Variants in HCN1 observed in about 807,000 individuals in gnomAD.
HCN1 encodes the protein potassium/sodium hyperpolarization-activated cyclic nucleotide-gated channel 1.
Under a neutral mutation model 78.9 loss-of-function variants are expected in HCN1, and 13 were observed. That is an observed-to-expected ratio of 0.16 (90% CI 0.11 to 0.26). The LOEUF is 0.26. Ranked by LOEUF, HCN1 falls within the 10% of genes least tolerant of loss-of-function variation. The pLI, the probability that HCN1 is intolerant of heterozygous loss-of-function variation, is 1.00. For synonymous variants in HCN1, 552 were observed against 455.5 expected (o/e 1.21, Z -2.70); for missense variants, 810 against 1,154.3 (o/e 0.70, Z 4.32).
intron 2 of HCN1, among the ~76,000 whole-genome samples, chr5:45,618,961 AAC>A (rs1745008888): frequency 6.6e-6 from 1 of 152,086 alleles, no homozygotes; most frequent in South Asian, 2.1e-4. Flanking sequence ...GAAAGTCTGA[AAC>A]AGCAATCTAG....
rs996900719 is a variant in HCN1, at chr5:45,257,281, G to T, written c.*4640C>A. On this transcript the variant is annotated 3_prime_UTR_variant, in exon 8 of 8. Coordinates refer to ENST00000303230, the MANE Select transcript of HCN1 (RefSeq NM_021072.4). ...AAATCCCTATTTCCCACTTGATCTGGGTTCCTCTTCACCCTGTGAGACACT... is the reference window on the plus strand; with the variant it reads ...AAATCCCTATTTCCCACTTGATCTGTGTTCCTCTTCACCCTGTGAGACACT... 1 of 152,142 alleles carries T rather than the reference G, an allele frequency of 6.6e-6. No individual in the cohort carries two copies. The highest frequency in any genetic ancestry group is 2.4e-5 in the African/African-American group (1 of 41,418). 9.4% of individuals were successfully genotyped at this position (152,142 alleles called of 1,614,324 possible).
chr5:45,283,011 G>T (rs1302065405), intron 6 of HCN1, among the ~76,000 whole-genome samples: 2 of 152,084 alleles, frequency 1.3e-5, no homozygotes, highest in East Asian at 3.9e-4. Context: ...AACTTGTACT[G>T]CATCCTCCAT....
At position 45,443,209 on chromosome 5, in the gene HCN1, C is replaced by T. The variant is rs568588194; in HGVS notation, c.1011+18637G>A. Among the ~76,000 whole-genome samples the T allele has an allele frequency of 3.3e-5, 5 of 152,104 alleles. No individual in the cohort carries two copies. In the East Asian group the frequency reaches 7.7e-4, roughly 24 times the overall value. ...GTAGTATGCTACGAAGAGGCATATA[C>T]AGGGCACTGGATTGGACTGAACCTG... On this transcript the variant is annotated intron_variant, in intron 3 of 7. Transcript: ENST00000303230.
At chr5:45,348,217 T>A (rs56738665) in intron 5 of HCN1, among the ~76,000 whole-genome samples, 4,548 of 152,206 alleles carry the variant, frequency 0.03, 269 homozygotes, top group African/African-American at 0.1. Flanking sequence ...GTATTCAAAG[T>A]TCTTAAAGAA....
At chr5:45,389,734 T>C (rs1748001848) in intron 4 of HCN1, among the ~76,000 whole-genome samples, 1 of 152,210 alleles carries the variant, frequency 6.6e-6, no homozygotes, top group Non-Finnish European at 1.5e-5. Flanking sequence ...TATCTCTACC[T>C]ACTTAATGGG....
chr5:45,364,891 TTTAGA>T (rs1322382564), intron 4 of HCN1, among the ~76,000 whole-genome samples: 1 of 152,042 alleles, frequency 6.6e-6, no homozygotes, highest in African/African-American at 2.4e-5. Context: ...GTAGTTGAGA[TTTAGA>T]TTAGATTAGA....
chr5:45,557,086 A>G (rs1317249530), intron 2 of HCN1, among the ~76,000 whole-genome samples: 1 of 152,102 alleles, frequency 6.6e-6, no homozygotes, highest in Non-Finnish European at 1.5e-5. Context: ...CAAATATCAC[A>G]GGAAAATTCA....
intron 3 of HCN1, among the ~76,000 whole-genome samples, chr5:45,412,573 T>C (rs2112057561): frequency 6.6e-6 from 1 of 152,212 alleles, no homozygotes; most frequent in Middle Eastern, 3.4e-3. Context: ...TCTGAGAGGC[T>C]TGAAATTACC....
intron 2 of HCN1, among the ~76,000 whole-genome samples, chr5:45,544,422 T>A (rs571959869): frequency 9.2e-5 from 14 of 152,092 alleles, no homozygotes; most frequent in Non-Finnish European, 1.8e-4. Flanking sequence ...ACCTCCTATT[T>A]GACAAAGCAA....
rs544475290 is a variant in HCN1, at chr5:45,561,167, A to T, written c.849+84018T>A. Among the ~76,000 whole-genome samples the T allele has an allele frequency of 4.7e-4, 72 of 152,234 alleles. No individual in the cohort carries two copies. The Middle Eastern group carries it at 0.014, about 29-fold the overall frequency. On this transcript the variant is annotated intron_variant, in intron 2 of 7. Coordinates refer to ENST00000303230, the MANE Select transcript of HCN1 (RefSeq NM_021072.4). ...AAATATAGGAAAGTTATTCATTCAAATCAAGATAGTCCAAAGCTTTTAAGC... is the reference window on the plus strand; with the variant it reads ...AAATATAGGAAAGTTATTCATTCAATTCAAGATAGTCCAAAGCTTTTAAGC...
At chr5:45,262,849 C>A (rs757657784) in intron 7 of HCN1, 39 bp from the exon 8 acceptor site, 5 of 1,609,152 alleles carry the variant, frequency 3.1e-6, no homozygotes, top group Non-Finnish European at 3.4e-6. Context: ...GAAAGCCTAC[C>A]AATGACTGAT....
chr5:45,344,350 T>C (rs955105114), intron 5 of HCN1, among the ~76,000 whole-genome samples: 2 of 152,092 alleles, frequency 1.3e-5, no homozygotes, highest in African/African-American at 4.8e-5. Context: ...ATTCCACCCC[T>C]GCCCCCTACC....
chr5:45,593,205 C>T lies in HCN1; in HGVS notation c.849+51980G>A, dbSNP rs548674673. Among the ~76,000 whole-genome samples, 39 of 103,048 alleles carry T rather than the reference C, an allele frequency of 3.8e-4. No homozygotes were observed. In the South Asian group the frequency reaches 9.7e-3, roughly 26 times the overall value. 67.6% of individuals were successfully genotyped at this position (103,048 alleles called of 152,430 possible). ...CCTTACAGTTGCACGCGCGCATGCA[C>T]GCACGCGCACACACACACACACACA... is the stretch of plus-strand genomic sequence containing the variant. On this transcript the variant is annotated intron_variant, in intron 2 of 7. Transcript: ENST00000303230.
intron 2 of HCN1, among the ~76,000 whole-genome samples, chr5:45,588,561 C>A (rs1744288979): frequency 6.6e-6 from 1 of 152,146 alleles, no homozygotes; most frequent in Non-Finnish European, 1.5e-5. Flanking sequence ...AATGCCGACA[C>A]CCTACTCACC....
intron 5 of HCN1, among the ~76,000 whole-genome samples, chr5:45,315,773 A>G (rs1229316181): frequency 6.6e-6 from 1 of 152,204 alleles, no homozygotes; most frequent in Non-Finnish European, 1.5e-5. Flanking sequence ...CCATCAGAGA[A>G]TACTATAAAC....
chr5:45,475,618 T>C (rs1363556643), intron 2 of HCN1, among the ~76,000 whole-genome samples: 4 of 152,200 alleles, frequency 2.6e-5, no homozygotes, highest in African/African-American at 9.6e-5. Flanking sequence ...AAAAGGTTAC[T>C]ATCATTATTA....
chr5:45,331,038 T>A (rs1331698442), intron 5 of HCN1, among the ~76,000 whole-genome samples: 1 of 151,214 alleles, frequency 6.6e-6, no homozygotes, highest in Admixed American at 6.6e-5. Flanking sequence ...TTAAGATATA[T>A]GTCAAATATT....
At chr5:45,341,715 C>G (rs1056017552) in intron 5 of HCN1, among the ~76,000 whole-genome samples, 1 of 152,130 alleles carries the variant, frequency 6.6e-6, no homozygotes, top group African/African-American at 2.4e-5. Context: ...TATAGTTTCA[C>G]CACTGCACTC....
chr5:45,474,478 T>C (rs1010842144), intron 2 of HCN1, among the ~76,000 whole-genome samples: 2 of 151,894 alleles, frequency 1.3e-5, no homozygotes, highest in African/African-American at 2.4e-5. Flanking sequence ...CCTAAATTAT[T>C]TTCATCTATC....
Sources: gnomAD v4.1 joint callset for allele counts (sites outside exome capture counted in the v4.1 genomes callset) on GRCh38, gnomAD v4.1.1 for gene constraint, MANE v1.5 for transcripts, NCBI Gene and HGNC (gene_info 2026-07-23, HGNC 2026-07-21) for gene names.